KIAA1328: variants seen among roughly 807,000 people sequenced by gnomAD.
KIAA1328 encodes KIAA1328, also known as protein hinderin.
Under a neutral mutation model 68.1 loss-of-function variants are expected in KIAA1328, and 52 were observed. That is an observed-to-expected ratio of 0.76 (90% confidence interval 0.61 to 0.96). The LOEUF (loss-of-function observed/expected upper bound fraction) is 0.96, where lower values mean the gene tolerates loss of function less well. Ranked by LOEUF, KIAA1328 falls within the 40% of genes least tolerant of loss-of-function variation. The pLI, the probability that KIAA1328 is intolerant of heterozygous loss-of-function variation, is 0.00. For synonymous variants in KIAA1328, 232 were observed against 239.4 expected (o/e 0.97, Z 0.28); for missense variants, 641 against 677.6 (o/e 0.95, Z 0.60).
chr18:36,891,788 T>A (rs1443504534), intron 5 of KIAA1328, among the ~76,000 whole-genome samples: 1 of 152,214 alleles, frequency 6.6e-6, no homozygotes, highest in African/African-American at 2.4e-5. Flanking sequence ...TGTGTCCTTT[T>A]CATATAATGG....
chr18:36,970,625 T>C (rs984643707), intron 6 of KIAA1328, among the ~76,000 whole-genome samples: 1 of 152,132 alleles, frequency 6.6e-6, no homozygotes, highest in Admixed American at 6.5e-5. Flanking sequence ...ACAAAATCAG[T>C]GTGCAAAATT....
chr18:36,844,336 T>A, intron 4 of KIAA1328, 34 bp downstream of exon 4: 1 of 1,373,398 alleles, frequency 7.3e-7, no homozygotes, highest in East Asian at 2.4e-5. Context: ...TGATTTATTA[T>A]ACAAAAGACA....
chr18:36,924,616 G>A (rs1245636079), intron 5 of KIAA1328, among the ~76,000 whole-genome samples: 1 of 152,194 alleles, frequency 6.6e-6, no homozygotes, highest in African/African-American at 2.4e-5. Flanking sequence ...CTCAGGATCA[G>A]ATATGTGCTT....
chr18:37,036,960 C>T (rs1422815903), intron 6 of KIAA1328, among the ~76,000 whole-genome samples: 3 of 152,138 alleles, frequency 2.0e-5, no homozygotes, highest in African/African-American at 7.2e-5. Flanking sequence ...TATACAGACC[C>T]TAAGAAACCA....
chr18:36,926,560 T>C (rs1322865932), intron 5 of KIAA1328, among the ~76,000 whole-genome samples: 1 of 152,174 alleles, frequency 6.6e-6, no homozygotes, highest in African/African-American at 2.4e-5. Context: ...TGTAGTGTTA[T>C]TTTTCCCTTT....
chr18:37,097,226 A>G (rs957929516), intron 7 of KIAA1328, among the ~76,000 whole-genome samples: 21 of 152,196 alleles, frequency 1.4e-4, no homozygotes, highest in African/African-American at 5.1e-4. Flanking sequence ...TTAAGTCTTT[A>G]ATACATTTTG....
In KIAA1328 at chr18:37,067,484, C is replaced by T; in HGVS notation, c.1171C>T (p.Gln391Ter). 6.4e-7 allele frequency: 1 copy of T among 1,550,478 alleles called. No homozygotes were observed. Among genetic ancestry groups the T allele is most frequent in the Non-Finnish European group, 8.7e-7 (1 of 1,149,584 alleles). The change falls in exon 7 of 10, where the codon CAG (glutamine) becomes TAG (stop). Residue 391 changes from glutamine to a stop codon, truncating the protein, a stop_gained. Coordinates refer to ENST00000280020, the MANE Select transcript of KIAA1328 (RefSeq NM_020776.3). LOFTEE classifies it high-confidence loss of function. Reference protein sequence around the residue: ...KERLQHLLAQQETKLLLKQQQ... With the variant: ...KERLQHLLAQ The stretch of plus-strand genomic sequence containing the variant: ...GCGCCTTCAGCATCTGCTGGCCCAG[C>T]AGGAGACAAAGCTTCTTCTAAAACA...
At chr18:37,159,055 AAAAAG>A (rs929972081) in intron 7 of KIAA1328, among the ~76,000 whole-genome samples, 7 of 152,188 alleles carry the variant, frequency 4.6e-5, no homozygotes, top group African/African-American at 1.7e-4. Flanking sequence ...GATTTAAAAA[AAAAAG>A]AAGAGTATCA....
At chr18:36,926,500 A>T (rs1196297883) in intron 5 of KIAA1328, among the ~76,000 whole-genome samples, 1 of 152,096 alleles carries the variant, frequency 6.6e-6, no homozygotes, top group East Asian at 1.9e-4. Context: ...GGTACTGGTG[A>T]TACTAACTTT....
chr18:37,075,181 C>T (rs1270255647), intron 7 of KIAA1328: 11 of 151,814 alleles, frequency 7.2e-5, no homozygotes, highest in Non-Finnish European at 1.5e-4. Context: ...CAATATTCAA[C>T]ATTCTTAAAG....
intron 6 of KIAA1328, among the ~76,000 whole-genome samples, chr18:36,985,391 T>C (rs894957395): frequency 2.0e-5 from 3 of 152,160 alleles, no homozygotes; most frequent in Non-Finnish European, 4.4e-5. Context: ...TATATGGAAA[T>C]GTAAAGACCC....
intron 7 of KIAA1328, among the ~76,000 whole-genome samples, chr18:37,146,234 C>G (rs1403824498): frequency 3.3e-5 from 5 of 152,024 alleles, no homozygotes; most frequent in African/African-American, 1.2e-4. Context: ...TCTCCTCTAC[C>G]TCCTCCCGTC....
At chr18:36,829,369 G>C (rs1267315429) in intron 1 of KIAA1328, 173 bp downstream of exon 1, 2 of 1,377,938 alleles carry the variant, frequency 1.5e-6, no homozygotes, top group Non-Finnish European at 1.9e-6. Context: ...TTGGGTGTTA[G>C]GTGGCCGAGA....
chr18:36,948,006 G>T (rs1402185079), intron 5 of KIAA1328, among the ~76,000 whole-genome samples: 1 of 152,094 alleles, frequency 6.6e-6, no homozygotes, highest in African/African-American at 2.4e-5. Flanking sequence ...AATGAGGCGT[G>T]TTTGACCTCC....
chr18:36,948,098 G>T (rs1330167048), intron 5 of KIAA1328, among the ~76,000 whole-genome samples: 1 of 152,086 alleles, frequency 6.6e-6, no homozygotes, highest in African/African-American at 2.4e-5. Flanking sequence ...TCAGTCAGTT[G>T]AGGGGCTTAG....
At chr18:36,957,720 C>A (rs940344599) in intron 5 of KIAA1328, among the ~76,000 whole-genome samples, 3 of 152,078 alleles carry the variant, frequency 2.0e-5, no homozygotes, top group African/African-American at 7.2e-5. Flanking sequence ...TAGTTAGGAA[C>A]TTTCTGTGTA....
chr18:36,888,402 G>A (rs2048572231), intron 5 of KIAA1328, among the ~76,000 whole-genome samples: 2 of 152,218 alleles, frequency 1.3e-5, no homozygotes, highest in Admixed American at 6.5e-5. Context: ...GAAAAGATAT[G>A]TGAGTAAAGT....
intron 5 of KIAA1328, among the ~76,000 whole-genome samples, chr18:36,895,594 A>C (rs1347477343): frequency 6.6e-6 from 1 of 152,138 alleles, no homozygotes; most frequent in Non-Finnish European, 1.5e-5. Flanking sequence ...TAGTGTGAGA[A>C]GAGATGGTGC....
At chr18:36,990,885 TG>T (rs1459896827) in intron 6 of KIAA1328, among the ~76,000 whole-genome samples, 2 of 152,078 alleles carry the variant, frequency 1.3e-5, no homozygotes, top group Admixed American at 1.3e-4. Flanking sequence ...AAAAGTCACT[TG>T]TACATTTATA....
Sources: allele counts gnomAD v4.1 joint callset (sites outside exome capture counted in the v4.1 genomes callset), GRCh38; gene constraint gnomAD v4.1.1; transcripts MANE v1.5; gene names NCBI Gene and HGNC (gene_info 2026-07-23, HGNC 2026-07-21).